DIAPH3: variants seen among roughly 807,000 people sequenced by gnomAD.
The protein encoded by DIAPH3 is protein diaphanous homolog 3.
In DIAPH3, 117 loss-of-function variants were observed where a neutral mutation model predicts 144.3. The ratio of observed to expected loss-of-function variants is 0.81; its 90% CI spans 0.70 to 0.95. DIAPH3 has a LOEUF of 0.95. DIAPH3 is among the 40% of genes least tolerant of loss of function. The pLI, the probability that DIAPH3 is intolerant of heterozygous loss-of-function variation, is 0.00. For missense variants in DIAPH3, 1,421 were observed against 1,412.7 expected (o/e 1.01, Z -0.09); for synonymous variants, 519 against 488.9 (o/e 1.06, Z -0.81).
At chr13:59,903,380 T>C (rs2046556812) in intron 20 of DIAPH3, among the ~76,000 whole-genome samples, 1 of 152,188 alleles carries the variant, frequency 6.6e-6, no homozygotes, top group Admixed American at 6.5e-5. Flanking sequence ...TTTTTATAAG[T>C]GTTTCAGTAA....
chr13:59,900,054 A>G (rs2046345295), intron 20 of DIAPH3, among the ~76,000 whole-genome samples: 1 of 152,196 alleles, frequency 6.6e-6, no homozygotes, highest in Admixed American at 6.5e-5. Context: ...TCAGAGCTCA[A>G]TTCCACTTAT....
chr13:60,141,316 A>G (rs2059421218), intron 1 of DIAPH3, among the ~76,000 whole-genome samples: 1 of 123,178 alleles, frequency 8.1e-6, no homozygotes, highest in Non-Finnish European at 1.7e-5. Flanking sequence ...CATAATTCTA[A>G]TTTTTTCTAC....
intron 4 of DIAPH3, among the ~76,000 whole-genome samples, chr13:60,069,077 T>G (rs2057095106): frequency 1.3e-5 from 2 of 152,150 alleles, no homozygotes; most frequent in Non-Finnish European, 2.9e-5. Flanking sequence ...TCAACAATGG[T>G]TGAACTAATT....
chr13:59,870,536 C>G (rs1054179137), intron 21 of DIAPH3, among the ~76,000 whole-genome samples: 1 of 152,032 alleles, frequency 6.6e-6, no homozygotes, highest in Non-Finnish European at 1.5e-5. Flanking sequence ...CTCACTGGGG[C>G]TCTATTGAAC....
intron 7 of DIAPH3, chr13:60,012,764 T>C (rs2053362997): frequency 6.4e-6 from 1 of 155,570 alleles, no homozygotes; most frequent in Non-Finnish European, 1.4e-5. Flanking sequence ...CCAAACCCTC[T>C]GGCCCTAACC....
intron 27 of DIAPH3, among the ~76,000 whole-genome samples, chr13:59,708,073 T>C (rs1448905783): frequency 6.6e-6 from 1 of 152,048 alleles, no homozygotes; most frequent in East Asian, 1.9e-4. Context: ...CATTTTATTA[T>C]TTTTTTAGAG....
At chr13:60,078,457 G>A (rs962028330) in intron 4 of DIAPH3, among the ~76,000 whole-genome samples, 2 of 152,066 alleles carry the variant, frequency 1.3e-5, no homozygotes, top group African/African-American at 2.4e-5. Flanking sequence ...AATGGTTACT[G>A]CATGTTTGCA....
intron 25 of DIAPH3, among the ~76,000 whole-genome samples, chr13:59,798,254 T>C (rs2039716420): frequency 1.3e-5 from 2 of 152,218 alleles, no homozygotes; most frequent in Admixed American, 1.3e-4. Flanking sequence ...CACCCTCTGA[T>C]CCATCTGCGT....
chr13:59,865,560 A>G (rs1174812922), intron 21 of DIAPH3, among the ~76,000 whole-genome samples: 2 of 152,022 alleles, frequency 1.3e-5, no homozygotes, highest in Non-Finnish European at 2.9e-5. Context: ...GTTAAACAGA[A>G]TTTCCTATTT....
chr13:59,892,289 G>T (rs938667033), intron 20 of DIAPH3, among the ~76,000 whole-genome samples: 3 of 151,752 alleles, frequency 2.0e-5, no homozygotes, highest in African/African-American at 7.3e-5. Context: ...ATGAGAACAA[G>T]AAAATGTATA....
chr13:60,041,947 A>G (rs1440571162), intron 5 of DIAPH3, among the ~76,000 whole-genome samples: 1 of 152,088 alleles, frequency 6.6e-6, no homozygotes, highest in South Asian at 2.1e-4. Flanking sequence ...ATTAACATAC[A>G]TGATATATTT....
At chr13:60,145,406 GGGAGGCTGAGGC>G (rs1685168790) in intron 1 of DIAPH3, among the ~76,000 whole-genome samples, 3 of 152,196 alleles carry the variant, frequency 2.0e-5, no homozygotes, top group African/African-American at 7.2e-5. Context: ...AATCCCAGCA[GGGAGGCTGAGGC>G]GGGTGGATCA....
chr13:60,014,969 TTTTTGTTTTG>T (rs71089521), intron 7 of DIAPH3, among the ~76,000 whole-genome samples: 108 of 147,112 alleles, frequency 7.3e-4, no homozygotes, highest in East Asian at 6.0e-3. Context: ...TTTTCTAGTT[TTTTTGTTTTG>T]TTTTGTTTTG....
At chr13:60,110,646 T>C (rs2058542461) in intron 3 of DIAPH3, among the ~76,000 whole-genome samples, 1 of 152,136 alleles carries the variant, frequency 6.6e-6, no homozygotes, top group Non-Finnish European at 1.5e-5. Context: ...TTAGTTGTAA[T>C]TGTCTCATCC....
At chr13:59,919,463 A>G (rs2047406820) in intron 18 of DIAPH3, among the ~76,000 whole-genome samples, 1 of 152,150 alleles carries the variant, frequency 6.6e-6, no homozygotes, top group African/African-American at 2.4e-5. Flanking sequence ...ACCTAACAGC[A>G]GACTTCTCAA....
At chr13:60,135,249 CTT>C (rs764946495) in intron 1 of DIAPH3, among the ~76,000 whole-genome samples, 120 of 137,676 alleles carry the variant, frequency 8.7e-4, no homozygotes, top group Admixed American at 1.1e-3. Context: ...TCATGGTTTT[CTT>C]TTTTTTTTTT....
intron 27 of DIAPH3, among the ~76,000 whole-genome samples, chr13:59,772,917 A>G (rs1358362364): frequency 6.6e-6 from 1 of 152,096 alleles, no homozygotes; most frequent in Non-Finnish European, 1.5e-5. Context: ...TGTGTCACTA[A>G]CCAGCTCTGT....
chr13:60,150,712 T>C (rs1430656365), intron 1 of DIAPH3, among the ~76,000 whole-genome samples: 9 of 152,206 alleles, frequency 5.9e-5, no homozygotes. Flanking sequence ...TCCACCAGGA[T>C]GCAGGAACCC....
chr13:59,746,001 CT>C, intron 27 of DIAPH3, among the ~76,000 whole-genome samples: 1 of 152,122 alleles, frequency 6.6e-6, no homozygotes, highest in Non-Finnish European at 1.5e-5. Context: ...TCAGGGTGTT[CT>C]TTTTAAACAA....
Sources: gnomAD v4.1 joint callset for allele counts (sites outside exome capture counted in the v4.1 genomes callset) on GRCh38, gnomAD v4.1.1 for gene constraint, MANE v1.5 for transcripts, NCBI Gene and HGNC (gene_info 2026-07-23, HGNC 2026-07-21) for gene names.